SREBF2: variants seen among roughly 807,000 people sequenced by gnomAD.
SREBF2 encodes sterol regulatory element binding transcription factor 2.
Under a neutral mutation model 113.1 loss-of-function variants are expected in SREBF2, and 55 were observed. The observed-to-expected ratio is 0.49, with a 90% CI of 0.39 to 0.61. The LOEUF (loss-of-function observed/expected upper bound fraction) is 0.61. SREBF2 is among the 20% of genes least tolerant of loss of function. The pLI is 0.00. For missense variants in SREBF2, 1,349 were observed against 1,487.4 expected, an observed-to-expected ratio of 0.91 and a Z score of 1.53; for synonymous variants, 593 against 605.7, an observed-to-expected ratio of 0.98 and a Z score of 0.31.
Position 41,880,087 on chromosome 22 carries a change from T to C in SREBF2, c.1762-629T>C, listed in dbSNP as rs6002519. On this transcript the variant is annotated intron_variant, in intron 9 of 18. Transcript: ENST00000361204. ...ATGGCATGAGAATCACCTAGAGGGCTGCAATACCAGAGATTCTGATTCAGT... is the reference window on the plus strand; with the variant it reads ...ATGGCATGAGAATCACCTAGAGGGCCGCAATACCAGAGATTCTGATTCAGT... Among the ~76,000 whole-genome samples, 196 of 152,312 alleles carry C rather than the reference T, an allele frequency of 1.3e-3. 3 individuals carry two copies. Among genetic ancestry groups the C allele is most frequent in the African/African-American group, 4.6e-3 (193 of 41,566 alleles).
chr22:41,905,399 A>G (rs1227417074), intron 18 of SREBF2, 41 bp from the exon 19 acceptor site: 3 of 1,531,772 alleles, frequency 2.0e-6, no homozygotes, highest in Non-Finnish European at 2.6e-6. Context: ...CACCAACTTC[A>G]TGGTAGATTC....
intron 1 of SREBF2, among the ~76,000 whole-genome samples, chr22:41,836,293 G>A (rs2076774087): frequency 6.6e-6 from 1 of 152,228 alleles, no homozygotes; most frequent in Non-Finnish European, 1.5e-5. Context: ...AATCGTGAAA[G>A]ATAGCATAGA....
At chr22:41,865,331 A>C (rs1456117125) in intron 1 of SREBF2, among the ~76,000 whole-genome samples, 1 of 152,198 alleles carries the variant, frequency 6.6e-6, no homozygotes, top group African/African-American at 2.4e-5. Flanking sequence ...CCATAGTTCA[A>C]GAACAAGCAG....
rs6002509 is a variant in SREBF2, at chr22:41,840,247, C to T, written c.88+6889C>T. ...TGCTGGGATTACAGACGTGAGCCAC[C>T]GCGCCCGGCCCACATGCTTAGTTTC... is the stretch of plus-strand genomic sequence containing the variant. On this transcript the variant is annotated intron_variant, in intron 1 of 18. Coordinates refer to ENST00000361204, the MANE Select transcript of SREBF2 (RefSeq NM_004599.4). Among the ~76,000 whole-genome samples, 376 of 152,150 alleles carry T rather than the reference C, an allele frequency of 2.5e-3. 3 individuals carry two copies. The highest frequency in any genetic ancestry group is 8.7e-3 in the African/African-American group (360 of 41,508).
At position 41,905,498 on chromosome 22, in the gene SREBF2, C is replaced by T; in HGVS notation, c.3264C>T (p.Cys1088=). ...RERATAILLA[C]RHLPLSFLSS... ...GGGCCACCGCCATCCTGCTGGCCTGCCGCCACCTGCCCCTCTCCTTCCTCT... is the reference window on the plus strand; with the variant it reads ...GGGCCACCGCCATCCTGCTGGCCTGTCGCCACCTGCCCCTCTCCTTCCTCT... The change falls in exon 19 of 19, where the codon TGC becomes TGT. Residue 1088 remains cysteine, a synonymous_variant. Transcript: ENST00000361204. 1 of 1,579,080 alleles carries T rather than the reference C, an allele frequency of 6.3e-7. No homozygotes were observed. Among genetic ancestry groups the T allele is most frequent in the Non-Finnish European group, 8.6e-7 (1 of 1,163,056 alleles).
intron 14 of SREBF2, among the ~76,000 whole-genome samples, 162 bp from the exon 15 acceptor site, chr22:41,898,487 C>G (rs1234178986): frequency 6.6e-6 from 1 of 152,158 alleles, no homozygotes; most frequent in Non-Finnish European, 1.5e-5. Flanking sequence ...TGGTCTATTC[C>G]CCTCCCCCAG....
chr22:41,833,417 C>A lies in SREBF2; in HGVS notation c.88+59C>A. On this transcript the variant is annotated intron_variant, in intron 1 of 18. Transcript: ENST00000361204. The surrounding 1 kb of genome is among the most constrained non-coding windows in gnomAD (Gnocchi z 4.1). The stretch of plus-strand genomic sequence containing the variant: ...CGCGGGGAGGAAGGGGTTACGGCGG[C>A]GCGCCCGGGTGCGCGTGCGCCCACC... 6.9e-7 allele frequency: 1 copy of A among 1,456,610 alleles called. No homozygotes were observed. Among genetic ancestry groups the A allele is most frequent in the South Asian group, 1.3e-5 (1 of 79,936 alleles). The allele number at this position is 1,456,610 out of a possible 1,614,324, so 90.2% of individuals were successfully genotyped here.
intron 1 of SREBF2, among the ~76,000 whole-genome samples, chr22:41,854,626 TG>T (rs1029793370): frequency 1.3e-5 from 2 of 151,532 alleles, no homozygotes; most frequent in Non-Finnish European, 2.9e-5. Flanking sequence ...CCCAGCACTT[TG>T]GGAGGCTGAG....
chr22:41,905,121 G>A (rs1056014560), intron 18 of SREBF2, 147 bp downstream of exon 18: 31 of 838,980 alleles, frequency 3.7e-5, no homozygotes, highest in South Asian at 5.0e-5. Context: ...GCCCGAGGCC[G>A]CCCTTGGTGG....
intron 1 of SREBF2, among the ~76,000 whole-genome samples, chr22:41,855,073 A>G (rs2076965747): frequency 6.6e-6 from 1 of 151,934 alleles, no homozygotes. Flanking sequence ...TTTAAAAGTT[A>G]AAAACATAGC....
chr22:41,899,575 G>C, intron 15 of SREBF2: 1 of 991,976 alleles, frequency 1.0e-6, no homozygotes, highest in Non-Finnish European at 1.2e-6. Flanking sequence ...CAGGCTTGAA[G>C]TCCTTTGTTC....
intron 1 of SREBF2, among the ~76,000 whole-genome samples, chr22:41,855,531 G>A (rs1465445150): frequency 6.6e-6 from 1 of 151,980 alleles, no homozygotes; most frequent in Non-Finnish European, 1.5e-5. Context: ...CAAAAAAAAC[G>A]CAAAACTAGT....
chr22:41,880,619 T>G lies in SREBF2; in HGVS notation c.1762-97T>G, dbSNP rs1301479146. 2.0e-6 allele frequency: 3 copies of G among 1,509,842 alleles called. No homozygotes were observed. The African/African-American group carries it at 4.1e-5, about 21-fold the overall frequency. 93.5% of individuals were successfully genotyped at this position (1,509,842 alleles called of 1,614,324 possible). A position where few individuals can be genotyped will look rare whatever the true frequency, so the allele number is the denominator to read the frequency against. ...CTCGTTTTTATGAGTGTGCACTAAT[T>G]CCTCTGATAATTGGGGGCAGGGGGA... On this transcript the variant is annotated intron_variant, in intron 9 of 18. Transcript: ENST00000361204.
rs369432520 is a variant in SREBF2 at position 41,894,684 on chromosome 22, G to C, written c.2378-136G>C. On this transcript the variant is annotated intron_variant, in intron 12 of 18. Coordinates refer to ENST00000361204, the MANE Select transcript of SREBF2 (RefSeq NM_004599.4). The stretch of plus-strand genomic sequence containing the variant: ...CATCCTCCAACTGTTTAGCACAGTA[G>C]TTCTGGGCTTTGGTGGAGAAGGGGC... 86 of 809,624 alleles carry C rather than the reference G, an allele frequency of 1.1e-4. No homozygotes were observed. The East Asian group carries it at 2.1e-3, about 20-fold the overall frequency. The allele number at this position is 809,624 out of a possible 1,614,324, so 50.2% of individuals were successfully genotyped here. A position where few individuals can be genotyped will look rare whatever the true frequency, so the allele number is the denominator to read the frequency against.
At chr22:41,876,083 T>A (rs1387460606) in intron 7 of SREBF2, among the ~76,000 whole-genome samples, 1 of 152,226 alleles carries the variant, frequency 6.6e-6, no homozygotes, top group Non-Finnish European at 1.5e-5. Context: ...TTTGGGAGGC[T>A]GATCAGTTGG....
chr22:41,891,194 C>A (rs986424222), intron 11 of SREBF2: 3 of 152,196 alleles, frequency 2.0e-5, no homozygotes, highest in African/African-American at 7.2e-5. Flanking sequence ...CACGCCACCA[C>A]CCCCCAATCT....
intron 1 of SREBF2, among the ~76,000 whole-genome samples, chr22:41,840,800 G>C (rs2076823544): frequency 6.6e-6 from 1 of 152,168 alleles, no homozygotes; most frequent in Admixed American, 6.5e-5. Flanking sequence ...TGGGCCGACA[G>C]TCACTGTCCC....
intron 1 of SREBF2, among the ~76,000 whole-genome samples, chr22:41,858,444 A>G (rs1471254863): frequency 6.6e-6 from 1 of 152,216 alleles, no homozygotes; most frequent in African/African-American, 2.4e-5. Flanking sequence ...AAATCATGCC[A>G]TGCGAAATCA....
At position 41,847,955 on chromosome 22, in the gene SREBF2, G is replaced by A. The variant is rs1188056591; in HGVS notation, c.88+14597G>A. ...TTTTGAGACGGAGTCTCGCTCTGTC[G>A]CCCAGGCTGGAGTGCAGTGGCGCAA... On this transcript the variant is annotated intron_variant, in intron 1 of 18. Coordinates refer to ENST00000361204, the MANE Select transcript of SREBF2 (RefSeq NM_004599.4). Among the ~76,000 whole-genome samples, 4 of 143,812 alleles carry A rather than the reference G, an allele frequency of 2.8e-5. No homozygotes were observed. The South Asian group carries it at 8.5e-4, about 31-fold the overall frequency. 94.3% of individuals were successfully genotyped at this position (143,812 alleles called of 152,430 possible).
Sources: allele counts gnomAD v4.1 joint callset (sites outside exome capture counted in the v4.1 genomes callset), GRCh38; gene constraint gnomAD v4.1.1; non-coding constraint Gnocchi (gnomAD v3.1); transcripts MANE v1.5; gene names NCBI Gene and HGNC (gene_info 2026-07-23, HGNC 2026-07-21).